The following DLG1 variants were observed in gnomAD, a reference collection of about 807,000 sequenced individuals.
DLG1 encodes discs large MAGUK scaffold protein 1, also known as disks large homolog 1.
In DLG1, 42 loss-of-function variants were observed where a neutral mutation model predicts 123.4. That is an observed-to-expected ratio of 0.34 (90% CI 0.27 to 0.44). The LOEUF (loss-of-function observed/expected upper bound fraction) is 0.44, where lower values mean the gene tolerates loss of function less well. Ranked by LOEUF, DLG1 falls within the 20% of genes least tolerant of loss-of-function variation. The pLI, the probability that DLG1 is intolerant of heterozygous loss-of-function variation, is 1.00. For missense variants in DLG1, 942 were observed against 1,082.6 expected (o/e 0.87, Z 1.82); for synonymous variants, 317 against 356.2 (o/e 0.89, Z 1.24).
At chr3:197,273,576 A>G (rs1318259547) in intron 4 of DLG1, among the ~76,000 whole-genome samples, 1 of 151,788 alleles carries the variant, frequency 6.6e-6, no homozygotes, top group African/African-American at 2.4e-5. Context: ...CTAAAACTCC[A>G]CTCAAATTAA....
At chr3:197,247,845 G>A (rs1216077825) in intron 4 of DLG1, among the ~76,000 whole-genome samples, 2 of 152,040 alleles carry the variant, frequency 1.3e-5, no homozygotes, top group African/African-American at 4.8e-5. Flanking sequence ...CTTCATATTA[G>A]AGGTTTCTTG....
intron 23 of DLG1, among the ~76,000 whole-genome samples, chr3:197,057,375 C>A (rs796140968): frequency 6.6e-6 from 1 of 152,224 alleles, no homozygotes. Flanking sequence ...AGCCGCCGCA[C>A]CTGACAGTCG....
chr3:197,237,892 A>G lies in DLG1; in HGVS notation c.319-43303T>C, dbSNP rs114162250. Among the ~76,000 whole-genome samples, 594 of 152,358 alleles carry G rather than the reference A, an allele frequency of 3.9e-3. 3 individuals carry two copies. The highest frequency in any genetic ancestry group is 0.013 in the African/African-American group (558 of 41,580). ...GCTGGAACTCCCACTGGCACCCAGC[A>G]GTTCTCAACTGATTTTATGAAGTTT... is the stretch of plus-strand genomic sequence containing the variant. On this transcript the variant is annotated intron_variant, in intron 4 of 24. Coordinates refer to ENST00000667157, the MANE Select transcript of DLG1 (RefSeq NM_001366207.1).
In DLG1 at chr3:197,251,688, T is replaced by C. The variant is rs141534828; in HGVS notation, c.318+30991A>G. On this transcript the variant is annotated intron_variant, in intron 4 of 24. Transcript: ENST00000667157. ...ATGAGATTACATCAAGCTAAAAAGC[T>C]TCTGCACAGCAAAAAAACACAATCA... Among the ~76,000 whole-genome samples the C allele has an allele frequency of 4.9e-3, 748 of 152,212 alleles. 11 individuals carry two copies. Among genetic ancestry groups the C allele is most frequent in the African/African-American group, 0.017 (715 of 41,528 alleles).
At chr3:197,267,494 G>C (rs1165027439) in intron 4 of DLG1, among the ~76,000 whole-genome samples, 1 of 152,116 alleles carries the variant, frequency 6.6e-6, no homozygotes, top group Non-Finnish European at 1.5e-5. Context: ...GGGGGAGAAA[G>C]CACTTCTTAG....
intron 18 of DLG1, among the ~76,000 whole-genome samples, chr3:197,073,611 G>A (rs922111854): frequency 1.3e-5 from 2 of 152,120 alleles, no homozygotes; most frequent in East Asian, 1.9e-4. Flanking sequence ...TTGATAAGAC[G>A]ATTTCTCTCA....
chr3:197,096,023 A>C (rs1760446357), intron 14 of DLG1, among the ~76,000 whole-genome samples: 1 of 152,184 alleles, frequency 6.6e-6, no homozygotes, highest in Non-Finnish European at 1.5e-5. Flanking sequence ...TAGTAATTTC[A>C]GTGGGAAATA....
intron 4 of DLG1, among the ~76,000 whole-genome samples, chr3:197,244,067 G>A (rs1296205138): frequency 6.6e-6 from 1 of 152,196 alleles, no homozygotes; most frequent in Non-Finnish European, 1.5e-5. Flanking sequence ...TGAATAAGGG[G>A]AGACTGATTA....
intron 15 of DLG1, among the ~76,000 whole-genome samples, chr3:197,087,552 CT>C (rs1755155853): frequency 6.6e-6 from 1 of 152,086 alleles, no homozygotes; most frequent in Admixed American, 6.5e-5. Context: ...CTATAGCACA[CT>C]GTGTCTATTT....
intron 6 of DLG1, among the ~76,000 whole-genome samples, chr3:197,145,414 A>C (rs1790250643): frequency 1.3e-5 from 2 of 152,146 alleles, no homozygotes; most frequent in Non-Finnish European, 2.9e-5. Flanking sequence ...TTGAATGCTC[A>C]ATTTATGCTT....
At chr3:197,297,740 C>G (rs997529051) in intron 1 of DLG1, 3 of 986,188 alleles carry the variant, frequency 3.0e-6, no homozygotes, top group Non-Finnish European at 3.6e-6. Context: ...CCGCTCTCCG[C>G]GACGCCCTCG....
At chr3:197,047,337 G>A (rs999774664) in intron 24 of DLG1, among the ~76,000 whole-genome samples, 2 of 152,016 alleles carry the variant, frequency 1.3e-5, no homozygotes, top group Non-Finnish European at 2.9e-5. Context: ...TAACACTTGA[G>A]GAATTTGGGT....
chr3:197,195,790 T>C (rs1425077730), intron 4 of DLG1, among the ~76,000 whole-genome samples: 1 of 151,160 alleles, frequency 6.6e-6, no homozygotes, highest in Non-Finnish European at 1.5e-5. Flanking sequence ...GCTTACTACC[T>C]TGGTGACAGG....
intron 24 of DLG1, among the ~76,000 whole-genome samples, chr3:197,045,745 G>C (rs1722557951): frequency 6.6e-6 from 1 of 152,062 alleles, no homozygotes; most frequent in African/African-American, 2.4e-5. Context: ...GTGGAACCTT[G>C]TGTCTCGTAA....
chr3:197,141,506 G>A (rs1787972970), intron 7 of DLG1, among the ~76,000 whole-genome samples: 1 of 152,044 alleles, frequency 6.6e-6, no homozygotes, highest in Non-Finnish European at 1.5e-5. Context: ...TAAGTAGATG[G>A]CAATAAAGAT....
intron 6 of DLG1, among the ~76,000 whole-genome samples, chr3:197,146,353 T>C (rs972624558): frequency 2.0e-5 from 3 of 152,034 alleles, no homozygotes; most frequent in Non-Finnish European, 2.9e-5. Flanking sequence ...AAAGCCAAAC[T>C]AAGCAAAAGG....
chr3:197,112,940 G>A (rs1030674241), intron 13 of DLG1, among the ~76,000 whole-genome samples: 1 of 152,058 alleles, frequency 6.6e-6, no homozygotes, highest in African/African-American at 2.4e-5. Context: ...AGTGTTTTAT[G>A]CATTTTGTCC....
intron 14 of DLG1, among the ~76,000 whole-genome samples, chr3:197,098,801 G>A (rs1761998973): frequency 6.6e-6 from 1 of 152,144 alleles, no homozygotes; most frequent in Non-Finnish European, 1.5e-5. Context: ...CAAAGTGCTG[G>A]GATTACAGGC....
At chr3:197,124,516 C>T (rs775853682) in intron 11 of DLG1, among the ~76,000 whole-genome samples, 13 of 152,136 alleles carry the variant, frequency 8.5e-5, no homozygotes, top group Non-Finnish European at 1.6e-4. Context: ...CCTCATGCTC[C>T]GCCCGCCTCG....
Sources: gnomAD v4.1 joint callset for allele counts (sites outside exome capture counted in the v4.1 genomes callset) on GRCh38, gnomAD v4.1.1 for gene constraint, MANE v1.5 for transcripts, NCBI Gene and HGNC (gene_info 2026-07-23, HGNC 2026-07-21) for gene names.